Variants in SPICE1 observed in about 807,000 individuals in gnomAD.
The protein encoded by SPICE1 is spindle and centriole-associated protein 1.
Under a neutral mutation model 102.7 loss-of-function variants are expected in SPICE1, and 75 were observed. The observed-to-expected ratio is 0.73, with a 90% confidence interval of 0.61 to 0.88. SPICE1 has a LOEUF of 0.88. Ranked by LOEUF, SPICE1 falls within the 40% of genes least tolerant of loss-of-function variation. SPICE1 has a pLI of 0.00. For synonymous variants in SPICE1, 308 were observed against 350.3 expected, an observed-to-expected ratio of 0.88 and a Z score of 1.35; for missense variants, 979 against 1,020.1, an observed-to-expected ratio of 0.96 and a Z score of 0.55.
At chr3:113,496,207 A>C (rs1936881918) in intron 4 of SPICE1, among the ~76,000 whole-genome samples, 1 of 152,090 alleles carries the variant, frequency 6.6e-6, no homozygotes, top group Non-Finnish European at 1.5e-5. Flanking sequence ...GCCCTTGGGA[A>C]AAATGGTTTG....
At chr3:113,473,617 G>C (rs1167475706) in intron 7 of SPICE1, among the ~76,000 whole-genome samples, 1 of 152,054 alleles carries the variant, frequency 6.6e-6, no homozygotes, top group Non-Finnish European at 1.5e-5. Flanking sequence ...CCAGAAGAGA[G>C]TGGGGGCCAA....
chr3:113,458,849 C>T (rs1349697383), intron 12 of SPICE1, among the ~76,000 whole-genome samples: 1 of 151,946 alleles, frequency 6.6e-6, no homozygotes, highest in South Asian at 2.1e-4. Flanking sequence ...TGAAGAGCGC[C>T]TCTGCCCGGC....
intron 7 of SPICE1, among the ~76,000 whole-genome samples, chr3:113,483,054 A>G (rs1490096001): frequency 6.6e-6 from 1 of 152,124 alleles, no homozygotes; most frequent in African/African-American, 2.4e-5. Flanking sequence ...ATGTTTTTCC[A>G]TTTGTTTGTG....
chr3:113,506,630 T>G, intron 1 of SPICE1, 25 bp from the exon 2 acceptor site: 1 of 1,586,282 alleles, frequency 6.3e-7, no homozygotes. Flanking sequence ...CACATCAAAT[T>G]TTTAAAATAC....
chr3:113,459,435 A>G (rs1448435772), intron 12 of SPICE1: 1 of 937,564 alleles, frequency 1.1e-6, no homozygotes, highest in East Asian at 1.2e-4. Context: ...AAAATTAAAA[A>G]CAAAACAAAA....
chr3:113,485,307 C>G (rs913918677), intron 7 of SPICE1, among the ~76,000 whole-genome samples: 2 of 151,966 alleles, frequency 1.3e-5, no homozygotes, highest in Non-Finnish European at 2.9e-5. Flanking sequence ...ACCACGGAGC[C>G]CAGCAAACTA....
At position 113,453,736 on chromosome 3, in the gene SPICE1, G is replaced by A. The variant is rs149033473; in HGVS notation, c.1872C>T (p.Leu624=). Residue 624 remains leucine (L), a synonymous_variant, in exon 14 of 18, where the codon CTC becomes CTT. Coordinates refer to ENST00000295872, the MANE Select transcript of SPICE1 (RefSeq NM_144718.4). ...ENKTQAPFVN[L]SQPLCNSHSN... ...AATGGGAATTGCAGAGGGGCTGTGA[G>A]AGGTTAACAAAAGGAGCCTGAGTTT... 33 of 1,614,048 alleles carry A rather than the reference G, an allele frequency of 2.0e-5. No individual in the cohort carries two copies. The highest frequency in any genetic ancestry group is 1.1e-4 in the African/African-American group (8 of 74,908).
chr3:113,471,316 C>T (rs1014283831), intron 7 of SPICE1, among the ~76,000 whole-genome samples: 4 of 152,110 alleles, frequency 2.6e-5, no homozygotes, highest in African/African-American at 7.2e-5. Flanking sequence ...AAAAATTTTT[C>T]ATATTTCATG....
intron 7 of SPICE1, among the ~76,000 whole-genome samples, chr3:113,478,702 T>G (rs1936419958): frequency 6.6e-6 from 1 of 152,060 alleles, no homozygotes; most frequent in Non-Finnish European, 1.5e-5. Context: ...GTGGCAAAAA[T>G]AAGTAAGGAT....
chr3:113,449,218 A>G (rs1340092267), intron 15 of SPICE1: 1 of 152,194 alleles, frequency 6.6e-6, no homozygotes, highest in Non-Finnish European at 1.5e-5. Context: ...ACTAACTGAT[A>G]TTATCCCAAA....
chr3:113,504,922 CAA>C (rs997827712), intron 2 of SPICE1, among the ~76,000 whole-genome samples: 5 of 152,136 alleles, frequency 3.3e-5, no homozygotes, highest in African/African-American at 1.2e-4. Flanking sequence ...CTTCAAAAAA[CAA>C]AAGATTTTTC....
intron 14 of SPICE1, among the ~76,000 whole-genome samples, chr3:113,452,628 G>GA (rs1935681990): frequency 6.6e-6 from 1 of 151,514 alleles, no homozygotes. Context: ...CGGTTGCAGG[G>GA]AGCCAAGATT....
chr3:113,450,544 A>G (rs369271027), intron 14 of SPICE1, 28 bp from the exon 15 acceptor site: 42 of 1,555,612 alleles, frequency 2.7e-5, no homozygotes, highest in Non-Finnish European at 3.4e-5. Flanking sequence ...AAAAAGTACA[A>G]ATTGAATACT....
chr3:113,465,679 G>A lies in SPICE1; in HGVS notation c.1261C>T (p.Leu421Phe), dbSNP rs765726156. The change falls in exon 11 of 18, where the codon CTT (leucine) becomes TTT (phenylalanine). Residue 421 changes from leucine to phenylalanine, a missense_variant. Leu to Phe is a conservative substitution (Grantham distance 22). Transcript: ENST00000295872. ...TGTGTAGCAGCGTTTTCTTCTCTAA[G>A]ACGAAGAATTTCAGCTGTCAGAGCA... Reference protein sequence around the residue: ...IDALTAEILRLREENAATQAR... With the variant: ...IDALTAEILRFREENAATQAR... The A allele has an allele frequency of 8.1e-6, 13 of 1,613,704 alleles. No homozygotes were observed. In the South Asian group the frequency reaches 1.2e-4, roughly 15 times the overall value.
intron 7 of SPICE1, among the ~76,000 whole-genome samples, chr3:113,474,475 C>T (rs1053414587): frequency 6.6e-6 from 1 of 152,160 alleles, no homozygotes; most frequent in African/African-American, 2.4e-5. Context: ...CCCAAATCAA[C>T]AGAATATACA....
chr3:113,446,751 A>G lies in SPICE1; in HGVS notation c.2427-75T>C, dbSNP rs565437540. On this transcript the variant is annotated intron_variant, in intron 16 of 17. Transcript: ENST00000295872. ...CCTTAAAAGATTATGCAAACAACTG[A>G]CAATTCTCAATACTGGCAAGAGCTT... The G allele has an allele frequency of 7.3e-5, 85 of 1,160,190 alleles. No homozygotes were observed. The African/African-American group carries it at 1.3e-3, about 17-fold the overall frequency. 71.9% of individuals were successfully genotyped at this position (1,160,190 alleles called of 1,614,324 possible). A position where few individuals can be genotyped will look rare whatever the true frequency, so the allele number is the denominator to read the frequency against.
At chr3:113,513,505 T>C (rs1576654625) in intron 1 of SPICE1, among the ~76,000 whole-genome samples, 1 of 152,152 alleles carries the variant, frequency 6.6e-6, no homozygotes, top group Non-Finnish European at 1.5e-5. Flanking sequence ...ATACAGTATA[T>C]CAAAATACAG....
intron 7 of SPICE1, among the ~76,000 whole-genome samples, chr3:113,480,678 A>G (rs1936469844): frequency 6.6e-6 from 1 of 152,042 alleles, no homozygotes; most frequent in South Asian, 2.1e-4. Context: ...AAATAAAACA[A>G]TCAAGAAAAC....
intron 7 of SPICE1, among the ~76,000 whole-genome samples, chr3:113,479,525 G>GT (rs1263618041): frequency 6.6e-6 from 1 of 151,908 alleles, no homozygotes; most frequent in African/African-American, 2.4e-5. Flanking sequence ...GGTATTTCTA[G>GT]TTCTAGATCC....
Sources: allele counts gnomAD v4.1 joint callset (sites outside exome capture counted in the v4.1 genomes callset), GRCh38; gene constraint gnomAD v4.1.1; transcripts MANE v1.5; gene names NCBI Gene and HGNC (gene_info 2026-07-23, HGNC 2026-07-21).